ARHGAP42: variants seen among roughly 807,000 people sequenced by gnomAD.
ARHGAP42 encodes Rho GTPase activating protein 42, also known as rho GTPase-activating protein 42.
ARHGAP42 carries 63 observed loss-of-function variants against 125.0 expected under a neutral mutation model. The observed-to-expected ratio is 0.50, with a 90% confidence interval of 0.41 to 0.62. ARHGAP42 has a LOEUF of 0.62. ARHGAP42 is among the 20% of genes least tolerant of loss of function. ARHGAP42 has a pLI of 0.00. For missense variants in ARHGAP42, 766 were observed against 1,024.2 expected (o/e 0.75, Z 3.44); for synonymous variants, 339 against 351.0 (o/e 0.97, Z 0.38).
In ARHGAP42 at chr11:100,966,845, C is replaced by T. The variant is rs114634196; in HGVS notation, c.1550+1069C>T. 5.1e-3 allele frequency among the ~76,000 whole-genome samples: 783 copies of T among 152,236 alleles called. 6 individuals carry two copies. Among genetic ancestry groups the T allele is most frequent in the African/African-American group, 0.018 (747 of 41,562 alleles). On this transcript the variant is annotated intron_variant, in intron 17 of 23. Transcript: ENST00000298815. ...ATGTCTAAATCCAGTTTTAAACTTA[C>T]TTAAGAATTTCCTGTAGCATTATTT...
Position 100,992,139 on chromosome 11 carries a change from A to G in ARHGAP42, c.*3338A>G. 1 of 701,962 alleles carries G rather than the reference A, an allele frequency of 1.4e-6. No homozygotes were observed. Among genetic ancestry groups the G allele is most frequent in the Admixed American group, 3.2e-5 (1 of 30,878 alleles). 43.5% of individuals were successfully genotyped at this position (701,962 alleles called of 1,614,324 possible). On this transcript the variant is annotated 3_prime_UTR_variant, in exon 24 of 24. Coordinates refer to ENST00000298815, the MANE Select transcript of ARHGAP42 (RefSeq NM_152432.4). The stretch of plus-strand genomic sequence containing the variant: ...GAAGAGTCCCTCAGAGCTTTGCCTC[A>G]AGCAATTTCAAATTGTAGTGATACC...
chr11:100,943,391 C>T (rs760412006), intron 9 of ARHGAP42, among the ~76,000 whole-genome samples: 2 of 151,986 alleles, frequency 1.3e-5, no homozygotes, highest in Non-Finnish European at 2.9e-5. Context: ...TGTATCCTAA[C>T]AAGCACTCTG....
At chr11:100,881,537 T>G (rs1342314590) in intron 4 of ARHGAP42, among the ~76,000 whole-genome samples, 2 of 152,202 alleles carry the variant, frequency 1.3e-5, no homozygotes, top group African/African-American at 4.8e-5. Context: ...TTCTTTTTGC[T>G]TAGTCTTGGT....
chr11:100,753,980 G>A (rs1326658459), intron 1 of ARHGAP42, among the ~76,000 whole-genome samples: 1 of 152,198 alleles, frequency 6.6e-6, no homozygotes, highest in Non-Finnish European at 1.5e-5. Context: ...TGAACAGTGT[G>A]AATTTCAACT....
intron 3 of ARHGAP42, among the ~76,000 whole-genome samples, chr11:100,843,176 C>A (rs1259299323): frequency 6.6e-6 from 1 of 151,944 alleles, no homozygotes; most frequent in Non-Finnish European, 1.5e-5. Flanking sequence ...TCATCCAGGG[C>A]TACTATGAAC....
chr11:100,802,483 G>A (rs1863880729), intron 3 of ARHGAP42, among the ~76,000 whole-genome samples: 1 of 147,744 alleles, frequency 6.8e-6, no homozygotes, highest in African/African-American at 2.5e-5. Context: ...GGAGTGCAGT[G>A]GTGCGATCTT....
chr11:100,906,659 C>T (rs1465603144), intron 4 of ARHGAP42, among the ~76,000 whole-genome samples: 1 of 151,992 alleles, frequency 6.6e-6, no homozygotes, highest in Admixed American at 6.6e-5. Context: ...TCTCATTCAG[C>T]AGTTCTATTA....
chr11:100,784,248 G>A (rs181591309), intron 2 of ARHGAP42, among the ~76,000 whole-genome samples: 21 of 152,274 alleles, frequency 1.4e-4, no homozygotes, highest in Admixed American at 9.8e-4. Context: ...ACATAGGCAC[G>A]TACCTTATGG....
intron 2 of ARHGAP42, among the ~76,000 whole-genome samples, chr11:100,774,731 T>TA (rs140501712): frequency 0.27 from 41,390 of 151,958 alleles, 6,026 homozygotes; most frequent in African/African-American, 0.35. Flanking sequence ...AAGGTGGTGT[T>TA]ATTCTATCAG....
intron 1 of ARHGAP42, among the ~76,000 whole-genome samples, chr11:100,759,581 G>A (rs1269287709): frequency 6.6e-6 from 1 of 152,036 alleles, no homozygotes; most frequent in Non-Finnish European, 1.5e-5. Context: ...ATAATAAAAG[G>A]GATCATTGTC....
chr11:100,978,522 C>T (rs76891079), intron 21 of ARHGAP42, among the ~76,000 whole-genome samples: 5 of 152,178 alleles, frequency 3.3e-5, no homozygotes, highest in African/African-American at 9.6e-5. Flanking sequence ...GCCCTTTTCA[C>T]TTTACAGACA....
chr11:100,695,126 T>C lies in ARHGAP42; in HGVS notation c.154+7294T>C, dbSNP rs1861253632. Among the ~76,000 whole-genome samples, 3 of 152,272 alleles carry C rather than the reference T, an allele frequency of 2.0e-5. No individual in the cohort carries two copies. The South Asian group carries it at 6.2e-4, about 31-fold the overall frequency. On this transcript the variant is annotated intron_variant, in intron 1 of 23. Transcript: ENST00000298815. Reference sequence around the variant, plus strand: ...CTTTTACAGCTGCCATATTCTGAGTTATAATGGCTGGCTTTTGTATAAGCG... The same window carrying C: ...CTTTTACAGCTGCCATATTCTGAGTCATAATGGCTGGCTTTTGTATAAGCG...
intron 3 of ARHGAP42, among the ~76,000 whole-genome samples, chr11:100,841,396 GATTTCACTCTTC>G (rs576938145): frequency 1.1e-4 from 17 of 152,086 alleles, no homozygotes; most frequent in African/African-American, 3.9e-4. Flanking sequence ...ACTCTCAGTG[GATTTCACTCTTC>G]TTTGCAGTGA....
intron 3 of ARHGAP42, among the ~76,000 whole-genome samples, chr11:100,817,591 A>G (rs1157497102): frequency 6.6e-6 from 1 of 152,198 alleles, no homozygotes; most frequent in African/African-American, 2.4e-5. Flanking sequence ...GTAAACTCAA[A>G]TACATTTTAC....
rs1420055341 is a variant in ARHGAP42, at chr11:100,993,356, A to T, written c.*4555A>T. 1 of 166,872 alleles carries T rather than the reference A, an allele frequency of 6.0e-6. No individual in the cohort carries two copies. The highest frequency in any genetic ancestry group is 1.5e-5 in the Non-Finnish European group (1 of 68,096). 10.3% of individuals were successfully genotyped at this position (166,872 alleles called of 1,614,324 possible). On this transcript the variant is annotated 3_prime_UTR_variant, in exon 24 of 24. Coordinates refer to ENST00000298815, the MANE Select transcript of ARHGAP42 (RefSeq NM_152432.4). ...TATATATATAAAATGCACACTTTTAATCTCTATATGGCAGCATTTTTGAGG... is the reference window on the plus strand; with the variant it reads ...TATATATATAAAATGCACACTTTTATTCTCTATATGGCAGCATTTTTGAGG...
intron 3 of ARHGAP42, among the ~76,000 whole-genome samples, chr11:100,809,374 A>C (rs1864083372): frequency 6.6e-6 from 1 of 152,248 alleles, no homozygotes; most frequent in Admixed American, 6.5e-5. Flanking sequence ...TTTCCTTTGA[A>C]TATAGAGCTA....
chr11:100,692,537 T>C (rs959120334), intron 1 of ARHGAP42, among the ~76,000 whole-genome samples: 1 of 152,196 alleles, frequency 6.6e-6, no homozygotes, highest in African/African-American at 2.4e-5. Context: ...CTTGAGAATC[T>C]TCTTGCCCTG....
At chr11:100,972,896 A>G (rs1393895799) in intron 17 of ARHGAP42, among the ~76,000 whole-genome samples, 1 of 152,096 alleles carries the variant, frequency 6.6e-6, no homozygotes, top group African/African-American at 2.4e-5. Flanking sequence ...CAAACAGCTG[A>G]TCATCTTTCT....
chr11:100,802,726 C>T (rs555567064), intron 3 of ARHGAP42, among the ~76,000 whole-genome samples: 1 of 152,326 alleles, frequency 6.6e-6, no homozygotes, highest in South Asian at 2.1e-4. Flanking sequence ...CTGAGCCTGG[C>T]CTGGCCCTTC....
Sources: gnomAD v4.1 joint callset for allele counts (sites outside exome capture counted in the v4.1 genomes callset) on GRCh38, gnomAD v4.1.1 for gene constraint, MANE v1.5 for transcripts, NCBI Gene and HGNC (gene_info 2026-07-23, HGNC 2026-07-21) for gene names.